The following MYO1D variants were observed in gnomAD, a reference collection of about 807,000 sequenced individuals.
MYO1D encodes the protein unconventional myosin-Id.
Under a neutral mutation model 122.0 loss-of-function variants are expected in MYO1D, and 83 were observed. The observed-to-expected ratio is 0.68, with a 90% confidence interval of 0.57 to 0.82. The LOEUF (loss-of-function observed/expected upper bound fraction) is 0.82, where lower values mean the gene tolerates loss of function less well. Ranked by LOEUF, MYO1D falls within the 40% of genes least tolerant of loss-of-function variation. MYO1D has a pLI of 0.00. For missense variants in MYO1D, 1,157 were observed against 1,269.5 expected (o/e 0.91, Z 1.35); for synonymous variants, 464 against 446.9 (o/e 1.04, Z -0.48).
chr17:32,646,080 T>C (rs1157500985), intron 19 of MYO1D, among the ~76,000 whole-genome samples: 1 of 152,218 alleles, frequency 6.6e-6, no homozygotes. Context: ...GATGGGGTTT[T>C]GGTGTGGAAG....
At chr17:32,503,734 C>T (rs1366342528) in intron 21 of MYO1D, among the ~76,000 whole-genome samples, 1 of 152,220 alleles carries the variant, frequency 6.6e-6, no homozygotes, top group Non-Finnish European at 1.5e-5. Flanking sequence ...CTGGATGTCA[C>T]TAGGACATAA....
chr17:32,648,604 A>G (rs1057281052), intron 19 of MYO1D, among the ~76,000 whole-genome samples: 3 of 152,154 alleles, frequency 2.0e-5, no homozygotes, highest in Non-Finnish European at 2.9e-5. Context: ...GGGGCTGGAG[A>G]TTAAGTTAAT....
intron 16 of MYO1D, among the ~76,000 whole-genome samples, chr17:32,683,980 G>A: frequency 6.6e-6 from 1 of 152,212 alleles, no homozygotes; most frequent in Non-Finnish European, 1.5e-5. Flanking sequence ...CCTGAAAAGC[G>A]CAATATTCGG....
chr17:32,822,837 G>A (rs1364681590), intron 1 of MYO1D, among the ~76,000 whole-genome samples: 2 of 151,414 alleles, frequency 1.3e-5, no homozygotes, highest in Non-Finnish European at 3.0e-5. Context: ...ACCGGCTGCC[G>A]CCCGCGGGCG....
At chr17:32,757,811 C>A (rs1342488294) in intron 10 of MYO1D, among the ~76,000 whole-genome samples, 1 of 152,128 alleles carries the variant, frequency 6.6e-6, no homozygotes, top group African/African-American at 2.4e-5. Context: ...GTTCTTCCAG[C>A]AACTTGGCAT....
chr17:32,529,045 G>A (rs1196337967), intron 21 of MYO1D: 1 of 152,234 alleles, frequency 6.6e-6, no homozygotes, highest in Non-Finnish European at 1.5e-5. Context: ...ACTTCCTGTA[G>A]GCATTAGATG....
At chr17:32,524,273 C>G (rs1243555440) in intron 21 of MYO1D, among the ~76,000 whole-genome samples, 3 of 152,234 alleles carry the variant, frequency 2.0e-5, no homozygotes. Context: ...CCGACGTCAA[C>G]TCACTCTTCC....
chr17:32,789,450 A>G (rs981839716), intron 1 of MYO1D, among the ~76,000 whole-genome samples: 8 of 152,206 alleles, frequency 5.3e-5, no homozygotes, highest in Non-Finnish European at 7.3e-5. Flanking sequence ...TCAAAACAGT[A>G]AATAAATATA....
chr17:32,599,795 G>A (rs1375407669), intron 21 of MYO1D, among the ~76,000 whole-genome samples: 1 of 152,170 alleles, frequency 6.6e-6, no homozygotes. Context: ...TGGGATTACA[G>A]GTATGTGCCA....
At chr17:32,760,226 A>T in intron 10 of MYO1D, 64 bp downstream of exon 10, 1 of 1,325,830 alleles carries the variant, frequency 7.5e-7, no homozygotes, top group Non-Finnish European at 1.1e-6. Flanking sequence ...TACCTAAAAT[A>T]AAATTTGACA....
rs574579708 is a variant in MYO1D at position 32,789,385 on chromosome 17, ATGATGTTGGCTG to A, written c.96-8613_96-8602del. Among the ~76,000 whole-genome samples the A allele has an allele frequency of 8.9e-4, 135 of 152,270 alleles. 1 individual carries two copies. Among genetic ancestry groups the A allele is most frequent in the African/African-American group, 3.2e-3 (133 of 41,548 alleles). ...TGCTTTCAACTTTTCCCCATTCAGT[ATGATGTTGGCTG>A]TGAGTCTGTCACAGATGTGAGGTAT... On this transcript the variant is annotated intron_variant, in intron 1 of 21. Transcript: ENST00000318217.
At chr17:32,504,261 A>T (rs1909420187) in intron 21 of MYO1D, among the ~76,000 whole-genome samples, 1 of 152,136 alleles carries the variant, frequency 6.6e-6, no homozygotes, top group Non-Finnish European at 1.5e-5. Flanking sequence ...TGTCCCCAAC[A>T]GGACTGCCAC....
At chr17:32,735,311 C>T (rs1451183139) in intron 14 of MYO1D, among the ~76,000 whole-genome samples, 1 of 152,112 alleles carries the variant, frequency 6.6e-6, no homozygotes, top group African/African-American at 2.4e-5. Flanking sequence ...GCCTCAGCCT[C>T]CCAAGTAGCT....
intron 21 of MYO1D, among the ~76,000 whole-genome samples, chr17:32,506,184 A>G (rs1210906474): frequency 6.6e-6 from 1 of 152,262 alleles, no homozygotes; most frequent in Non-Finnish European, 1.5e-5. Flanking sequence ...CTAGAAGGAA[A>G]GAGCAGAGCA....
chr17:32,577,189 T>C (rs111440824), intron 21 of MYO1D, among the ~76,000 whole-genome samples: 5,631 of 151,166 alleles, frequency 0.037, 334 homozygotes, highest in African/African-American at 0.13. Flanking sequence ...AGGCGGAGCT[T>C]GCAGTGAGCC....
At chr17:32,676,250 A>G (rs922798986) in intron 16 of MYO1D, among the ~76,000 whole-genome samples, 1 of 152,082 alleles carries the variant, frequency 6.6e-6, no homozygotes, top group Non-Finnish European at 1.5e-5. Context: ...AAATAAATTG[A>G]TGGGATAATG....
chr17:32,842,886 C>CT (rs34927176), intron 1 of MYO1D, among the ~76,000 whole-genome samples: 15,373 of 104,400 alleles, frequency 0.15, 1,556 homozygotes, highest in South Asian at 0.22. Flanking sequence ...CTATTTCTTT[C>CT]TTTTTTTTTT....
Position 32,608,474 on chromosome 17 carries a change from C to A in MYO1D, c.2710-3233G>T, listed in dbSNP as rs115914621. Among the ~76,000 whole-genome samples, 1,426 of 152,200 alleles carry A rather than the reference C, an allele frequency of 9.4e-3. 24 individuals are homozygous for A. Among genetic ancestry groups the A allele is most frequent in the African/African-American group, 0.032 (1,339 of 41,516 alleles). On this transcript the variant is annotated intron_variant, in intron 20 of 21. Transcript: ENST00000318217. The stretch of plus-strand genomic sequence containing the variant: ...GCTAAAATAACAAAACAGCCTACAA[C>A]AACAAAAGAGTGATAATACTAAATG...
chr17:32,624,784 ATC>A lies in MYO1D; in HGVS notation c.2709+13936_2709+13937del, dbSNP rs10568972. 9.8e-3 allele frequency among the ~76,000 whole-genome samples: 1,438 copies of A among 146,228 alleles called. 21 individuals carry two copies. Among genetic ancestry groups the A allele is most frequent in the African/African-American group, 0.034 (1,376 of 39,942 alleles). Reference sequence around the variant, plus strand: ...TCTTTTTCTTGTTTTCCTTTTTTGTATCTTTTTTTTTTTTTTCTTCTTTGAGA... The same window carrying A: ...TCTTTTTCTTGTTTTCCTTTTTTGTATTTTTTTTTTTTTTCTTCTTTGAGA... On this transcript the variant is annotated intron_variant, in intron 20 of 21. Coordinates refer to ENST00000318217, the MANE Select transcript of MYO1D (RefSeq NM_015194.3).
Sources: allele counts gnomAD v4.1 joint callset (sites outside exome capture counted in the v4.1 genomes callset), GRCh38; gene constraint gnomAD v4.1.1; transcripts MANE v1.5; gene names NCBI Gene and HGNC (gene_info 2026-07-23, HGNC 2026-07-21).